The following GOLGA8G variants were observed in gnomAD, a reference collection of about 807,000 sequenced individuals.
The protein encoded by GOLGA8G is golgin subfamily A member 8G.
In GOLGA8G, 1 loss-of-function variant was observed where a neutral mutation model predicts 12.8. The ratio of observed to expected loss-of-function variants is 0.08; its 90% CI spans 0.03 to 0.37. The LOEUF (loss-of-function observed/expected upper bound fraction) is 0.37. GOLGA8G is among the 10% of genes least tolerant of loss of function. The pLI, the probability that GOLGA8G is intolerant of heterozygous loss-of-function variation, is 0.99. For missense variants in GOLGA8G, 12 were observed against 97.4 expected (o/e 0.12, Z 3.69); for synonymous variants, 9 against 36.7 (o/e 0.25, Z 2.73).
Position 28,526,331 on chromosome 15 carries a change from T to TCTGGAAG in GOLGA8G, c.1093_1094insCTTCCAG (p.Glu365AlafsTer31), listed in dbSNP as rs2078587251. The TCTGGAAG allele has an allele frequency of 2.0e-6, 1 of 492,912 alleles. No homozygotes were observed. Among genetic ancestry groups the TCTGGAAG allele is most frequent in the Admixed American group, 3.7e-5 (1 of 27,306 alleles). The allele number at this position is 492,912 out of a possible 1,614,324, so 30.5% of individuals were successfully genotyped here. A position where few individuals can be genotyped will look rare whatever the true frequency, so the allele number is the denominator to read the frequency against. On this transcript the variant is annotated frameshift_variant, in exon 12 of 19. Transcript: ENST00000525590. LOFTEE classifies it high-confidence loss of function. The stretch of plus-strand genomic sequence containing the variant: ...CTGCTCTGGAAGCCTCTCCTGCTGC[T>TCTGGAAG]CCTGAAGCCTCTCCTCCTGCTCCCG...
In GOLGA8G at chr15:28,520,230, T is replaced by TA. The variant is rs1203371013; in HGVS notation, c.*2342dup. On this transcript the variant is annotated 3_prime_UTR_variant, in exon 19 of 19. Transcript: ENST00000525590. Reference sequence around the variant, plus strand: ...CTGCCTTATACCGAATGAGGAAGAATACCAATACTTGGCTGAATGAGGTAT... The same window carrying TA: ...CTGCCTTATACCGAATGAGGAAGAATAACCAATACTTGGCTGAATGAGGTAT... 9.6e-4 allele frequency: 146 copies of TA among 151,386 alleles called. No homozygotes were observed. Among genetic ancestry groups the TA allele is most frequent in the African/African-American group, 3.3e-3 (134 of 41,000 alleles). 9.4% of individuals were successfully genotyped at this position (151,386 alleles called of 1,614,324 possible).
chr15:28,526,568 G>T lies in GOLGA8G; in HGVS notation c.914-57C>A. ...GGATTCCAAAAAAAAAAAAAGAAAA[G>T]AAAAGAAAAGAAAAAACCCTCCTCT... On this transcript the variant is annotated intron_variant, in intron 11 of 18. Transcript: ENST00000525590. 4.2e-6 allele frequency: 3 copies of T among 707,424 alleles called. 1 individual carries two copies. The highest frequency in any genetic ancestry group is 8.6e-5 in the Admixed American group (2 of 23,146). The allele number at this position is 707,424 out of a possible 1,614,324, so 43.8% of individuals were successfully genotyped here.
At position 28,520,128 on chromosome 15, in the gene GOLGA8G, G is replaced by A. The variant is rs2078507540; in HGVS notation, c.*2445C>T. On this transcript the variant is annotated 3_prime_UTR_variant, in exon 19 of 19. Transcript: ENST00000525590. ...CTTCCTACAGAAATTCAAATTTATT[G>A]AATTGAACTCACATTTTAGAATTCT... 1 of 151,312 alleles carries A rather than the reference G, an allele frequency of 6.6e-6. No homozygotes were observed. Among genetic ancestry groups the A allele is most frequent in the Non-Finnish European group, 1.5e-5 (1 of 67,902 alleles). The allele number at this position is 151,312 out of a possible 1,614,324, so 9.4% of individuals were successfully genotyped here. A position where few individuals can be genotyped will look rare whatever the true frequency, so the allele number is the denominator to read the frequency against.
chr15:28,526,555 A>C (rs565652917), intron 11 of GOLGA8G, 44 bp from the exon 12 acceptor site: 2 of 714,250 alleles, frequency 2.8e-6, no homozygotes, highest in Admixed American at 4.2e-5. Flanking sequence ...ATTCCAAAAA[A>C]AAAAAAAGAA....
rs1374640764 is a variant in GOLGA8G at position 28,520,021 on chromosome 15, T to C, written c.*2552A>G. ...TGGTTTTAGAGCTGATTTTTGTTCA[T>C]TTCTGGAAAACCTATCAGATTTAAT... On this transcript the variant is annotated 3_prime_UTR_variant, in exon 19 of 19. Coordinates refer to ENST00000525590, the MANE Select transcript of GOLGA8G (RefSeq NM_001350919.3). 1 of 151,790 alleles carries C rather than the reference T, an allele frequency of 6.6e-6. No homozygotes were observed. Among genetic ancestry groups the C allele is most frequent in the Non-Finnish European group, 1.5e-5 (1 of 67,854 alleles). The allele number at this position is 151,790 out of a possible 1,614,324, so 9.4% of individuals were successfully genotyped here.
intron 1 of GOLGA8G, among the ~76,000 whole-genome samples, chr15:28,531,499 TGAA>T (rs2078658822): frequency 8.4e-6 from 1 of 118,802 alleles, no homozygotes; most frequent in Non-Finnish European, 1.9e-5. Context: ...TCTGTTAGTG[TGAA>T]GAAGTGCACC....
Position 28,526,536 on chromosome 15 carries a change from A to G in GOLGA8G, c.914-25T>C, listed in dbSNP as rs762262335. On this transcript the variant is annotated intron_variant, in intron 11 of 18. Coordinates refer to ENST00000525590, the MANE Select transcript of GOLGA8G (RefSeq NM_001350919.3). ...GCTGAGAAAGGAAGCAGACAATAAG[A>G]GCCTCTGGATTCCAAAAAAAAAAAA... 2.1e-5 allele frequency: 13 copies of G among 623,264 alleles called. 1 individual carries two copies. The highest frequency in any genetic ancestry group is 1.9e-4 in the South Asian group (10 of 53,086). The allele number at this position is 623,264 out of a possible 1,614,324, so 38.6% of individuals were successfully genotyped here. A position where few individuals can be genotyped will look rare whatever the true frequency, so the allele number is the denominator to read the frequency against.
intron 13 of GOLGA8G, among the ~76,000 whole-genome samples, chr15:28,525,486 T>TTTTTTTG (rs1377774798): frequency 2.0e-5 from 1 of 48,920 alleles, no homozygotes; most frequent in Non-Finnish European, 3.8e-5. Flanking sequence ...TTTTTCTTTC[T>TTTTTTTG]TTTTTTGTTT....
rs555286016 is a variant in GOLGA8G at position 28,526,569 on chromosome 15, A to G, written c.914-58T>C. 8.7e-5 allele frequency: 62 copies of G among 712,070 alleles called. 16 individuals carry two copies. Among genetic ancestry groups the G allele is most frequent in the Non-Finnish European group, 1.2e-4 (61 of 515,756 alleles). The allele number at this position is 712,070 out of a possible 1,614,324, so 44.1% of individuals were successfully genotyped here. On this transcript the variant is annotated intron_variant, in intron 11 of 18. Transcript: ENST00000525590. ...GATTCCAAAAAAAAAAAAAGAAAAG[A>G]AAAGAAAAGAAAAAACCCTCCTCTT...
rs1469120229 is a variant in GOLGA8G, at chr15:28,526,450, C to T, written c.975G>A (p.Arg325=). 1 of 544,182 alleles carries T rather than the reference C, an allele frequency of 1.8e-6. No individual in the cohort carries two copies. Among genetic ancestry groups the T allele is most frequent in the Non-Finnish European group, 2.8e-6 (1 of 355,950 alleles). 33.7% of individuals were successfully genotyped at this position (544,182 alleles called of 1,614,324 possible). The change falls in exon 12 of 19, where the codon AGG becomes AGA. Residue 325 remains arginine, a synonymous_variant. Transcript: ENST00000525590. The stretch of plus-strand genomic sequence containing the variant: ...CTCCTGCCACTCTCTCTAGTTCCTT[C>T]CTCAGGTGCTGCAGCTCCACCTCAG... The part of the protein sequence containing the change: ...VPSEVELQHL[R]KELERVAGEL...
intron 12 of GOLGA8G, 31 bp downstream of exon 12, chr15:28,526,224 G>A: frequency 2.0e-6 from 1 of 508,558 alleles, no homozygotes. Flanking sequence ...GGCTAGGGAG[G>A]AGGGCAAGCT....
chr15:28,531,829 AGAT>A (rs1231193051), intron 1 of GOLGA8G, among the ~76,000 whole-genome samples: 5 of 151,004 alleles, frequency 3.3e-5, no homozygotes, highest in Non-Finnish European at 1.5e-5. Context: ...ATTCCACAGA[AGAT>A]GAGCAAATCT....
chr15:28,531,518 C>G (rs2078659102), intron 1 of GOLGA8G, among the ~76,000 whole-genome samples: 1 of 118,470 alleles, frequency 8.4e-6, no homozygotes, highest in Non-Finnish European at 1.9e-5. Flanking sequence ...GCACCAGTAC[C>G]TCTCAAACTC....
Position 28,526,486 on chromosome 15 carries a change from T to C in GOLGA8G, c.939A>G (p.Pro313=), listed in dbSNP as rs980128793. 12 of 507,434 alleles carry C rather than the reference T, an allele frequency of 2.4e-5. No individual in the cohort carries two copies. The highest frequency in any genetic ancestry group is 1.5e-4 in the African/African-American group (3 of 20,624). 31.4% of individuals were successfully genotyped at this position (507,434 alleles called of 1,614,324 possible). A position where few individuals can be genotyped will look rare whatever the true frequency, so the allele number is the denominator to read the frequency against. The change falls in exon 12 of 19, where the codon CCA becomes CCG. Residue 313 remains proline, a synonymous_variant. Transcript: ENST00000525590. ...GCAGCTCCACCTCAGAGGGCACTGC[T>C]GGGGGCTCCGGGGGCAGAGGTTCAG... is the stretch of plus-strand genomic sequence containing the variant. ...QMAEPLPPEP[P]AVPSEVELQH... is the part of the protein sequence containing the mutation.
At chr15:28,531,816 T>A (rs1317484257) in intron 1 of GOLGA8G, among the ~76,000 whole-genome samples, 2 of 150,886 alleles carry the variant, frequency 1.3e-5, no homozygotes, top group East Asian at 3.8e-4. Flanking sequence ...TTTCCCAAGA[T>A]CTATTCCACA....
chr15:28,531,422 G>C (rs879381959), intron 1 of GOLGA8G, among the ~76,000 whole-genome samples: 1,037 of 86,370 alleles, frequency 0.012, no homozygotes, highest in African/African-American at 0.019. Context: ...AGAGGCAGAG[G>C]TAGAAAAGTA....
intron 1 of GOLGA8G, among the ~76,000 whole-genome samples, chr15:28,531,710 AC>A (rs2078662684): frequency 7.7e-6 from 1 of 130,602 alleles, no homozygotes; most frequent in African/African-American, 2.9e-5. Context: ...ATCAATGGAA[AC>A]TGATGCTTCA....
At position 28,526,468 on chromosome 15, in the gene GOLGA8G, C is replaced by T; in HGVS notation, c.957G>A (p.Val319=). ...PPEPPAVPSE[V]ELQHLRKELE... is the part of the protein sequence containing the mutation. Reference sequence around the variant, plus strand: ...GTTCCTTCCTCAGGTGCTGCAGCTCCACCTCAGAGGGCACTGCTGGGGGCT... The same window carrying T: ...GTTCCTTCCTCAGGTGCTGCAGCTCTACCTCAGAGGGCACTGCTGGGGGCT... The change falls in exon 12 of 19, where the codon GTG becomes GTA. Residue 319 remains valine (V), a synonymous_variant. Coordinates refer to ENST00000525590, the MANE Select transcript of GOLGA8G (RefSeq NM_001350919.3). 1 of 555,850 alleles carries T rather than the reference C, an allele frequency of 1.8e-6. No individual in the cohort carries two copies. Among genetic ancestry groups the T allele is most frequent in the African/African-American group, 4.4e-5 (1 of 22,518 alleles). 34.4% of individuals were successfully genotyped at this position (555,850 alleles called of 1,614,324 possible).
Position 28,526,261 on chromosome 15 carries a change from C to CT in GOLGA8G, c.1163dup (p.Glu389GlyfsTer5), listed in dbSNP as rs1163000330. On this transcript the variant is annotated frameshift_variant, in exon 12 of 19. Coordinates refer to ENST00000525590, the MANE Select transcript of GOLGA8G (RefSeq NM_001350919.3). LOFTEE classifies it high-confidence loss of function. ...CCCAGCTGGGGCAACGCACCAGCTCCTTGAAGCTGTTCTGTGGCTCGGCCA... is the reference window on the plus strand; with the variant it reads ...CCCAGCTGGGGCAACGCACCAGCTCCTTTGAAGCTGTTCTGTGGCTCGGCCA... The CT allele has an allele frequency of 1.9e-6, 1 of 533,714 alleles. No individual in the cohort carries two copies. Among genetic ancestry groups the CT allele is most frequent in the African/African-American group, 3.2e-5 (1 of 31,440 alleles). The allele number at this position is 533,714 out of a possible 1,614,324, so 33.1% of individuals were successfully genotyped here.
Sources: allele counts gnomAD v4.1 joint callset (sites outside exome capture counted in the v4.1 genomes callset), GRCh38; gene constraint gnomAD v4.1.1; transcripts MANE v1.5; gene names NCBI Gene and HGNC (gene_info 2026-07-23, HGNC 2026-07-21).